TRAPPC13: variants seen among roughly 807,000 people sequenced by gnomAD.
TRAPPC13 encodes trafficking protein particle complex subunit 13.
A neutral mutation model predicts 54.0 loss-of-function variants in TRAPPC13; 39 were observed. That is an observed-to-expected ratio of 0.72 (90% CI 0.56 to 0.94). TRAPPC13 has a LOEUF of 0.94. Among genes scored for constraint, TRAPPC13 ranks in the 40% least tolerant of loss-of-function variants. The pLI, the probability that TRAPPC13 is intolerant of heterozygous loss-of-function variation, is 0.00. For missense variants in TRAPPC13, 386 were observed against 488.1 expected (o/e 0.79, Z 1.97); for synonymous variants, 148 against 167.7 (o/e 0.88, Z 0.91).
At chr5:65,641,035 G>A (rs998656837) in intron 4 of TRAPPC13, among the ~76,000 whole-genome samples, 1 of 151,928 alleles carries the variant, frequency 6.6e-6, no homozygotes, top group Non-Finnish European at 1.5e-5. Flanking sequence ...ATGGGCTCAA[G>A]GGATCCTGCT....
chr5:65,628,821 A>G (rs1357748279), intron 1 of TRAPPC13, among the ~76,000 whole-genome samples: 2 of 150,196 alleles, frequency 1.3e-5, no homozygotes, highest in Non-Finnish European at 2.9e-5. Flanking sequence ...CAGACAGATT[A>G]GAATTTTTTT....
chr5:65,633,494 T>C (rs1231779582), intron 1 of TRAPPC13, among the ~76,000 whole-genome samples: 1 of 151,998 alleles, frequency 6.6e-6, no homozygotes, highest in East Asian at 1.9e-4. Context: ...GGTCTCGATC[T>C]CCTGACCTCG....
At chr5:65,647,321 C>A in intron 5 of TRAPPC13, 139 bp downstream of exon 5, 1 of 668,988 alleles carries the variant, frequency 1.5e-6, no homozygotes, top group Non-Finnish European at 2.3e-6. Flanking sequence ...GGCATGTTTA[C>A]CAGAAATAAA....
At position 65,658,462 on chromosome 5, in the gene TRAPPC13, A is replaced by G. The variant is rs1415340434; in HGVS notation, c.659A>G (p.Asn220Ser). The G allele has an allele frequency of 1.3e-6, 2 of 1,581,586 alleles. No individual in the cohort carries two copies. The highest frequency in any genetic ancestry group is 1.8e-5 in the Admixed American group (1 of 55,528). ...TCACTGGAGCCATCTATTATGTACA[A>G]TGTAACAGAATTAAATTCAGTCAGC... ...KVSLEPSIMY[N>S]VTELNSVSQA... The change falls in exon 9 of 13, where the codon AAT becomes AGT. Residue 220 changes from asparagine (N) to serine (S), a missense_variant. Coordinates refer to ENST00000399438, the MANE Select transcript of TRAPPC13 (RefSeq NM_024941.4).
intron 4 of TRAPPC13, among the ~76,000 whole-genome samples, chr5:65,640,076 T>C (rs1231622371): frequency 6.6e-6 from 1 of 152,252 alleles, no homozygotes; most frequent in African/African-American, 2.4e-5. Context: ...ATGTTTGTCA[T>C]ATATGGATGG....
intron 2 of TRAPPC13, 29 bp downstream of exon 2, chr5:65,635,398 C>T: frequency 6.3e-7 from 1 of 1,584,294 alleles, no homozygotes; most frequent in Non-Finnish European, 8.7e-7. Context: ...TCTATTTGCA[C>T]CTAGGGAAAG....
Position 65,635,362 on chromosome 5 carries a change from CT to C in TRAPPC13, c.110del (p.Leu37TyrfsTer9). 1 of 1,612,870 alleles carries C rather than the reference CT, an allele frequency of 6.2e-7. No individual in the cohort carries two copies. Among genetic ancestry groups the C allele is most frequent in the South Asian group, 1.1e-5 (1 of 90,924 alleles). ...TCCCAGTAACATGTGAAGAGAAAGA[CT>C]TACCTGGTATGGCACATGCTTTCCT... ...NIPVTCEEKD[L>X]PGDLFNQLMR... On this transcript the variant is annotated frameshift_variant, in exon 2 of 13. Coordinates refer to ENST00000399438, the MANE Select transcript of TRAPPC13 (RefSeq NM_024941.4). LOFTEE classifies it high-confidence loss of function.
intron 1 of TRAPPC13, chr5:65,634,854 G>A (rs928813874): frequency 7.0e-5 from 29 of 413,908 alleles, no homozygotes; most frequent in African/African-American, 5.2e-4. Flanking sequence ...AGCCGAGATC[G>A]CACCACTACA....
rs1437324194 is a variant in TRAPPC13, at chr5:65,645,106, G to A, written c.301-1949G>A. Among the ~76,000 whole-genome samples the A allele has an allele frequency of 4.0e-5, 6 of 150,786 alleles. No individual in the cohort carries two copies. In the Admixed American group the frequency reaches 4.0e-4, roughly 10 times the overall value. On this transcript the variant is annotated intron_variant, in intron 4 of 12. Transcript: ENST00000399438. Reference sequence around the variant, plus strand: ...CCAGCTACTCCGGAGGCTGAGGCAGGAGAATCGCCTGAACCTGGTAGGCAG... The same window carrying A: ...CCAGCTACTCCGGAGGCTGAGGCAGAAGAATCGCCTGAACCTGGTAGGCAG...
rs552930982 is a variant in TRAPPC13 at position 65,658,391 on chromosome 5, C to T, written c.588C>T (p.Ala196=). ...SSVTDEVFLE[A]QIQNMTTSPM... ...AGACTGATGAAGTATTTCTGGAAGC[C>T]CAGATTCAGAATATGACAACCTCAC... Residue 196 remains alanine, a synonymous_variant, in exon 9 of 13, where the codon GCC becomes GCT. Transcript: ENST00000399438. The T allele has an allele frequency of 5.6e-6, 9 of 1,599,624 alleles. No individual in the cohort carries two copies. The South Asian group carries it at 7.9e-5, about 14-fold the overall frequency.
At chr5:65,644,847 C>T (rs1310083310) in intron 4 of TRAPPC13, among the ~76,000 whole-genome samples, 5 of 148,384 alleles carry the variant, frequency 3.4e-5, no homozygotes, top group East Asian at 4.0e-4. Context: ...TGCTGCTGCA[C>T]TCCAACCTGG....
chr5:65,638,672 T>C (rs141548953), intron 4 of TRAPPC13, among the ~76,000 whole-genome samples: 2 of 152,292 alleles, frequency 1.3e-5, no homozygotes, highest in African/African-American at 2.4e-5. Flanking sequence ...AATGGACTTA[T>C]AGTTCCACGT....
intron 9 of TRAPPC13, among the ~76,000 whole-genome samples, chr5:65,659,982 A>G (rs1453951906): frequency 3.0e-4 from 45 of 149,566 alleles, no homozygotes; most frequent in African/African-American, 1.1e-3. Flanking sequence ...AAAAAAAAAA[A>G]AAAAAAAAGA....
chr5:65,640,665 T>C (rs945604453), intron 4 of TRAPPC13, among the ~76,000 whole-genome samples: 2 of 152,230 alleles, frequency 1.3e-5, no homozygotes, highest in Non-Finnish European at 2.9e-5. Flanking sequence ...TTTCTTGGAA[T>C]TCAGTAAATA....
chr5:65,625,076 C>T lies in TRAPPC13; in HGVS notation c.16C>T (p.Pro6Ser), dbSNP rs964405532. The T allele has an allele frequency of 4.3e-6, 7 of 1,613,786 alleles. No homozygotes were observed. Among genetic ancestry groups the T allele is most frequent in the Non-Finnish European group, 5.9e-6 (7 of 1,179,756 alleles). The change falls in exon 1 of 13, where the codon CCT (proline) becomes TCT (serine). Residue 6 changes from proline to serine, a missense_variant. Pro to Ser is a moderately conservative substitution (Grantham distance 74). Transcript: ENST00000399438. Reference sequence around the variant, plus strand: ...GCCGGTCAAAATGGAAGTGAATCCCCCTAAACAGGAGCACCTGCTGGCGCT... The same window carrying T: ...GCCGGTCAAAATGGAAGTGAATCCCTCTAAACAGGAGCACCTGCTGGCGCT... MEVNP[P>S]KQEHLLALKV... is the part of the protein sequence containing the mutation.
Position 65,650,818 on chromosome 5 carries a change from G to A in TRAPPC13, c.437G>A (p.Cys146Tyr), listed in dbSNP as rs1177321154. 1 of 1,612,696 alleles carries A rather than the reference G, an allele frequency of 6.2e-7. No individual in the cohort carries two copies. The highest frequency in any genetic ancestry group is 1.3e-5 in the African/African-American group (1 of 74,874). ...VKEIGTHILV[C>Y]AVSYTTQAGE... The stretch of plus-strand genomic sequence containing the variant: ...ACATCTTTCTGTTTCAGCTTGGTAT[G>A]TGCTGTGAGTTATACAACTCAGGCT... Residue 146 changes from cysteine (C) to tyrosine (Y), a missense_variant, in exon 6 of 13, where the codon TGT becomes TAT. Physicochemically the swap from Cys to Tyr is radical, Grantham distance 194. Coordinates refer to ENST00000399438, the MANE Select transcript of TRAPPC13 (RefSeq NM_024941.4).
At position 65,665,550 on chromosome 5, in the gene TRAPPC13, A is replaced by G. The variant is rs964006864; in HGVS notation, c.*939A>G. The stretch of plus-strand genomic sequence containing the variant: ...GGTTGTTGATTTTTTTTAATTAACT[A>G]TTAACTAAGAATAATACTTATTTTC... On this transcript the variant is annotated 3_prime_UTR_variant, in exon 13 of 13. Coordinates refer to ENST00000399438, the MANE Select transcript of TRAPPC13 (RefSeq NM_024941.4). The G allele has an allele frequency of 6.6e-6, 1 of 152,148 alleles. No individual in the cohort carries two copies. Among genetic ancestry groups the G allele is most frequent in the Non-Finnish European group, 1.5e-5 (1 of 68,022 alleles). 9.4% of individuals were successfully genotyped at this position (152,148 alleles called of 1,614,324 possible).
At chr5:65,626,261 T>C (rs1755223914) in intron 1 of TRAPPC13, 1 of 152,200 alleles carries the variant, frequency 6.6e-6, no homozygotes, top group East Asian at 1.9e-4. Context: ...CAAGATCACA[T>C]AGCTAGTGAT....
At chr5:65,627,489 G>T (rs950695244) in intron 1 of TRAPPC13, among the ~76,000 whole-genome samples, 2 of 152,046 alleles carry the variant, frequency 1.3e-5, no homozygotes, top group African/African-American at 4.8e-5. Context: ...AATTAGCCAG[G>T]CGTGATGGTG....
Sources: allele counts gnomAD v4.1 joint callset (sites outside exome capture counted in the v4.1 genomes callset), GRCh38; gene constraint gnomAD v4.1.1; transcripts MANE v1.5; gene names NCBI Gene and HGNC (gene_info 2026-07-23, HGNC 2026-07-21).